PPEF2: variants seen among roughly 807,000 people sequenced by gnomAD.
PPEF2 encodes the protein protein phosphatase with EF-hand domain 2, also known as serine/threonine-protein phosphatase with EF-hands 2.
Under a neutral mutation model 84.7 loss-of-function variants are expected in PPEF2, and 84 were observed. That is an observed-to-expected ratio of 0.99 (90% CI 0.83 to 1.19). The LOEUF (loss-of-function observed/expected upper bound fraction) is 1.19. Ranked by LOEUF, PPEF2 falls within the 50% of genes most tolerant of loss-of-function variation. The probability of loss-of-function intolerance (pLI) is 0.00; values close to 1 mark genes in which losing one functional copy is unlikely to be tolerated. For synonymous variants in PPEF2, 346 were observed against 345.2 expected (o/e 1.00, Z -0.03); for missense variants, 924 against 937.5 (o/e 0.99, Z 0.19).
chr4:75,890,029 C>T lies in PPEF2; in HGVS notation c.345G>A (p.Thr115=), dbSNP rs201158555. The T allele has an allele frequency of 2.3e-4, 378 of 1,613,896 alleles. No homozygotes were observed. Among genetic ancestry groups the T allele is most frequent in the Admixed American group, 3.3e-4 (20 of 59,974 alleles). Residue 115 remains threonine (T), a synonymous_variant, in exon 5 of 17, where the codon ACG becomes ACA. Coordinates refer to ENST00000286719, the MANE Select transcript of PPEF2 (RefSeq NM_006239.3). ...YESIEVPDSY[T]GPRLSFPLLP... ...GGAGTGGGAAGGAGAGGCGTGGCCC[C>T]GTGTAACTGTCGGGTACCTCTATGG...
intron 6 of PPEF2, 66 bp from the exon 7 acceptor site, chr4:75,886,964 TA>T: frequency 1.1e-6 from 1 of 888,312 alleles, no homozygotes; most frequent in Non-Finnish European, 1.7e-6. Context: ...ATTTTTATTA[TA>T]AGAAAGAAAA....
Position 75,860,696 on chromosome 4 carries a change from T to C in PPEF2, c.2233A>G (p.Ser745Gly), listed in dbSNP as rs749616771. 4 of 1,614,226 alleles carry C rather than the reference T, an allele frequency of 2.5e-6. No homozygotes were observed. The South Asian group carries it at 4.4e-5, about 18-fold the overall frequency. Residue 745 changes from serine to glycine, a missense_variant, in exon 17 of 17, where the codon AGT becomes GGT. Coordinates refer to ENST00000286719, the MANE Select transcript of PPEF2 (RefSeq NM_006239.3). ...ECPQATNAKD[S>G]GCSSPGAH ...TGTGCACCTGGACTGCTGCAGCCACTGTCTTTAGCATTTGTAGCTTGTGGG... is the reference window on the plus strand; with the variant it reads ...TGTGCACCTGGACTGCTGCAGCCACCGTCTTTAGCATTTGTAGCTTGTGGG...
intron 11 of PPEF2, among the ~76,000 whole-genome samples, chr4:75,873,817 G>A (rs1439709849): frequency 6.7e-6 from 1 of 150,044 alleles, no homozygotes; most frequent in Admixed American, 6.6e-5. Flanking sequence ...TTTACAAATT[G>A]CAGAAGAGGC....
intron 7 of PPEF2, 107 bp from the exon 8 acceptor site, chr4:75,884,867 T>G (rs542525434): frequency 1.0e-6 from 1 of 983,180 alleles, no homozygotes; most frequent in South Asian, 1.7e-5. Flanking sequence ...ACACCAATTC[T>G]GTGCTTTCTA....
chr4:75,879,446 C>G (rs1442660221), intron 10 of PPEF2, among the ~76,000 whole-genome samples: 1 of 152,142 alleles, frequency 6.6e-6, no homozygotes, highest in Non-Finnish European at 1.5e-5. Context: ...AGCTCATTTA[C>G]TATTTATAAT....
intron 8 of PPEF2, among the ~76,000 whole-genome samples, chr4:75,883,689 G>C (rs982552536): frequency 5.9e-5 from 9 of 151,728 alleles, no homozygotes; most frequent in African/African-American, 2.2e-4. Flanking sequence ...GTGGTGGCAG[G>C]CTCCTGTAGT....
intron 7 of PPEF2, among the ~76,000 whole-genome samples, chr4:75,886,554 A>G (rs1259063496): frequency 6.6e-6 from 1 of 151,934 alleles, no homozygotes; most frequent in African/African-American, 2.4e-5. Context: ...GAAAAAGAAA[A>G]AGTGAAAAAA....
intron 4 of PPEF2, among the ~76,000 whole-genome samples, chr4:75,890,333 T>A (rs2149227023): frequency 6.6e-6 from 1 of 151,884 alleles, no homozygotes; most frequent in Middle Eastern, 3.4e-3. Context: ...AAAAAAAATT[T>A]AAAAATTTAG....
chr4:75,899,913 A>G (rs1176414700), intron 1 of PPEF2, among the ~76,000 whole-genome samples: 1 of 152,170 alleles, frequency 6.6e-6, no homozygotes, highest in Non-Finnish European at 1.5e-5. Flanking sequence ...TGTGTATTTA[A>G]GAGTGTTTGA....
At chr4:75,887,019 T>C (rs534632179) in intron 6 of PPEF2, 121 bp from the exon 7 acceptor site, 2 of 510,054 alleles carry the variant, frequency 3.9e-6, no homozygotes, top group East Asian at 6.4e-5. Flanking sequence ...AAGTTTTCCA[T>C]ATGTAAGATA....
chr4:75,889,230 AAC>A (rs1452614394), intron 5 of PPEF2: 1 of 152,596 alleles, frequency 6.6e-6, no homozygotes, highest in East Asian at 1.9e-4. Flanking sequence ...AAAACAAAAA[AAC>A]AAGTCAGATT....
chr4:75,890,103 C>G lies in PPEF2; in HGVS notation c.271G>C (p.Asp91His). Residue 91 changes from aspartate (D) to histidine (H), a missense_variant, in exon 5 of 17, where the codon GAC becomes CAC. By Grantham distance (81) the Asp-to-His change is moderately conservative. Coordinates refer to ENST00000286719, the MANE Select transcript of PPEF2 (RefSeq NM_006239.3). ...RDFLTRIFTE[D>H]RFAQDSEMKK... ...ATCTCGGAGTCCTGGGCGAATCTGTCCTCAGTGAATATGCGGGTCAGGAAG... is the reference window on the plus strand; with the variant it reads ...ATCTCGGAGTCCTGGGCGAATCTGTGCTCAGTGAATATGCGGGTCAGGAAG... 6.2e-7 allele frequency: 1 copy of G among 1,614,008 alleles called. No homozygotes were observed. Among genetic ancestry groups the G allele is most frequent in the Non-Finnish European group, 8.5e-7 (1 of 1,179,998 alleles).
At chr4:75,893,971 A>T (rs1303102135) in intron 2 of PPEF2, among the ~76,000 whole-genome samples, 1 of 152,068 alleles carries the variant, frequency 6.6e-6, no homozygotes, top group Admixed American at 6.6e-5. Flanking sequence ...AATATCCTTT[A>T]TCCCATCATG....
rs147877948 is a variant in PPEF2 at position 75,892,989 on chromosome 4, G to A, written c.56-1011C>T. ...TAGACAGATTGATTTAATATGTTTC[G>A]TTTGCATTAGACAGATAATAGAATT... On this transcript the variant is annotated intron_variant, in intron 2 of 16. Coordinates refer to ENST00000286719, the MANE Select transcript of PPEF2 (RefSeq NM_006239.3). 5.4e-3 allele frequency among the ~76,000 whole-genome samples: 829 copies of A among 152,306 alleles called. 5 individuals carry two copies. Among genetic ancestry groups the A allele is most frequent in the Middle Eastern group, 0.014 (4 of 294 alleles).
chr4:75,863,846 A>G (rs1031644127), intron 16 of PPEF2, among the ~76,000 whole-genome samples: 5 of 151,772 alleles, frequency 3.3e-5, no homozygotes, highest in Non-Finnish European at 5.9e-5. Context: ...ATGGTAATAT[A>G]AAGGATATCA....
At chr4:75,876,046 A>G (rs1475166728) in intron 11 of PPEF2, among the ~76,000 whole-genome samples, 1 of 152,164 alleles carries the variant, frequency 6.6e-6, no homozygotes, top group Non-Finnish European at 1.5e-5. Context: ...TTCTTACCCT[A>G]CTAGTGCTCA....
Position 75,889,978 on chromosome 4 carries a change from T to A in PPEF2, c.396A>T (p.Val132=), listed in dbSNP as rs747994811. 1.2e-5 allele frequency: 20 copies of A among 1,614,062 alleles called. No homozygotes were observed. The highest frequency in any genetic ancestry group is 1.7e-5 in the Non-Finnish European group (20 of 1,180,036). The change falls in exon 5 of 17, where the codon GTA becomes GTT. Residue 132 remains valine (V), a synonymous_variant. Transcript: ENST00000286719. ...PLLPDHATAL[V]EAFRLKQQLH... is the part of the protein sequence containing the mutation. ...TTACTTGTTTCAGTCTGAATGCTTC[T>A]ACCAGGGCAGTTGCATGGTCAGGCA...
Position 75,866,247 on chromosome 4 carries a change from T to G in PPEF2, c.1862A>C (p.Asn621Thr). Reference protein sequence around the residue: ...RPQLVNSSADNMLEYKSWLKN... With the variant: ...RPQLVNSSADTMLEYKSWLKN... ...CAGCCAAGACTTGTACTCCAGCATG[T>G]TGTCTGCTGAGCTGTTCACCAGCTG... Residue 621 changes from asparagine to threonine, a missense_variant, in exon 15 of 17, where the codon AAC becomes ACC. Physicochemically the swap from Asn to Thr is moderately conservative, Grantham distance 65. Transcript: ENST00000286719. The G allele has an allele frequency of 6.2e-7, 1 of 1,614,156 alleles. No individual in the cohort carries two copies. The highest frequency in any genetic ancestry group is 8.5e-7 in the Non-Finnish European group (1 of 1,180,024).
intron 13 of PPEF2, among the ~76,000 whole-genome samples, chr4:75,869,116 G>GTCCCAT (rs1258905992): frequency 3.9e-5 from 6 of 152,154 alleles, no homozygotes; most frequent in Non-Finnish European, 7.3e-5. Flanking sequence ...TTTTATCAGA[G>GTCCCAT]GCTAACAGAA....
Sources: gnomAD v4.1 joint callset for allele counts (sites outside exome capture counted in the v4.1 genomes callset) on GRCh38, gnomAD v4.1.1 for gene constraint, MANE v1.5 for transcripts, NCBI Gene and HGNC (gene_info 2026-07-23, HGNC 2026-07-21) for gene names.